TNR: variants seen among roughly 807,000 people sequenced by gnomAD.
TNR encodes tenascin R, also known as tenascin-R.
In TNR, 45 loss-of-function variants were observed where a neutral mutation model predicts 150.4. The observed-to-expected ratio is 0.30, with a 90% CI of 0.24 to 0.38. The LOEUF (loss-of-function observed/expected upper bound fraction) is 0.38. Ranked by LOEUF, TNR falls within the 10% of genes least tolerant of loss-of-function variation. The pLI is 1.00. For synonymous variants in TNR, 687 were observed against 678.4 expected, an observed-to-expected ratio of 1.01 and a Z score of -0.20; for missense variants, 1,544 against 1,759.1, an observed-to-expected ratio of 0.88 and a Z score of 2.19.
intron 2 of TNR, among the ~76,000 whole-genome samples, chr1:175,484,641 G>A (rs569868293): frequency 1.3e-4 from 20 of 151,994 alleles, no homozygotes; most frequent in Non-Finnish European, 2.6e-4. Context: ...TTTCATGTTT[G>A]GCTTTTTGCT....
At chr1:175,356,178 G>A in intron 16 of TNR, 141 bp downstream of exon 16, 1 of 1,170,748 alleles carries the variant, frequency 8.5e-7, no homozygotes, top group Non-Finnish European at 1.2e-6. Flanking sequence ...ACTGAATTTG[G>A]GCTGTAGTCA....
At chr1:175,704,438 C>G (rs912708529) in intron 1 of TNR, among the ~76,000 whole-genome samples, 6 of 152,094 alleles carry the variant, frequency 3.9e-5, no homozygotes, top group African/African-American at 1.2e-4. Flanking sequence ...GGGCATCTGC[C>G]TAGAGAAGGA....
At chr1:175,681,154 C>T (rs1293298180) in intron 1 of TNR, among the ~76,000 whole-genome samples, 1 of 152,122 alleles carries the variant, frequency 6.6e-6, no homozygotes, top group Non-Finnish European at 1.5e-5. Context: ...GGTGAGCCAC[C>T]TTTTATTTAC....
intron 1 of TNR, among the ~76,000 whole-genome samples, chr1:175,554,339 CAAAAAAA>C (rs5778860): frequency 1.5e-4 from 17 of 115,116 alleles, no homozygotes; most frequent in African/African-American, 3.9e-4. Flanking sequence ...TCCTACATGG[CAAAAAAA>C]AAAAAAAAAA....
intron 1 of TNR, among the ~76,000 whole-genome samples, chr1:175,596,375 C>T (rs987356199): frequency 1.3e-5 from 2 of 152,190 alleles, no homozygotes; most frequent in Non-Finnish European, 2.9e-5. Context: ...TGACCATGCT[C>T]AGCTGTCATG....
intron 1 of TNR, among the ~76,000 whole-genome samples, chr1:175,611,077 C>T (rs1255907108): frequency 6.6e-6 from 1 of 152,118 alleles, no homozygotes; most frequent in Non-Finnish European, 1.5e-5. Context: ...AAATTCTTTC[C>T]TCCCCCTTGC....
intron 2 of TNR, among the ~76,000 whole-genome samples, chr1:175,440,553 G>A (rs1270064754): frequency 3.3e-5 from 5 of 150,742 alleles, no homozygotes; most frequent in African/African-American, 1.2e-4. Context: ...TAAAATAAAG[G>A]AAAAAAAAGT....
chr1:175,364,679 T>G (rs2102013082), intron 12 of TNR, among the ~76,000 whole-genome samples: 1 of 152,334 alleles, frequency 6.6e-6, no homozygotes, highest in East Asian at 1.9e-4. Flanking sequence ...AACAGGTGTC[T>G]CTTCACTGTA....
At chr1:175,404,725 C>T (rs1653870623) in intron 3 of TNR, among the ~76,000 whole-genome samples, 1 of 152,196 alleles carries the variant, frequency 6.6e-6, no homozygotes, top group Non-Finnish European at 1.5e-5. Context: ...AAAAAGTTCA[C>T]TTATAGAAGC....
chr1:175,585,929 A>G (rs983361024), intron 1 of TNR, among the ~76,000 whole-genome samples: 1 of 152,232 alleles, frequency 6.6e-6, no homozygotes, highest in Non-Finnish European at 1.5e-5. Flanking sequence ...TCAGGGCTCC[A>G]GCAGCTAGGA....
intron 8 of TNR, among the ~76,000 whole-genome samples, chr1:175,380,680 CAA>C (rs947603950): frequency 4.6e-5 from 7 of 152,174 alleles, no homozygotes; most frequent in African/African-American, 1.7e-4. Flanking sequence ...GCAGTTGCCA[CAA>C]AGAGACGACG....
chr1:175,741,130 A>C (rs1667915364), intron 1 of TNR, among the ~76,000 whole-genome samples: 1 of 152,160 alleles, frequency 6.6e-6, no homozygotes, highest in Admixed American at 6.5e-5. Context: ...AGTTCCCTAA[A>C]AGGCTTTGGC....
intron 1 of TNR, among the ~76,000 whole-genome samples, chr1:175,655,857 A>T (rs1665155446): frequency 6.6e-6 from 1 of 152,188 alleles, no homozygotes; most frequent in Admixed American, 6.5e-5. Context: ...TGTCACTATA[A>T]GGACAATGAG....
At chr1:175,743,194 GAA>G in intron 1 of TNR, 30 bp downstream of exon 1, 1 of 152,344 alleles carries the variant, frequency 6.6e-6, no homozygotes, top group South Asian at 2.1e-4. Flanking sequence ...ACGTTAGCCA[GAA>G]AATCAAAGGA....
chr1:175,637,992 A>G (rs1664537642), intron 1 of TNR, among the ~76,000 whole-genome samples: 1 of 151,960 alleles, frequency 6.6e-6, no homozygotes, highest in African/African-American at 2.4e-5. Flanking sequence ...TTTAGAAAAG[A>G]CTCATGGATT....
At chr1:175,332,899 A>T (rs867963817) in intron 20 of TNR, among the ~76,000 whole-genome samples, 1 of 152,220 alleles carries the variant, frequency 6.6e-6, no homozygotes, top group African/African-American at 2.4e-5. Context: ...TGAGATATAT[A>T]AGGCACTAAA....
At chr1:175,648,584 A>C (rs1571711538) in intron 1 of TNR, among the ~76,000 whole-genome samples, 1 of 149,798 alleles carries the variant, frequency 6.7e-6, no homozygotes. Flanking sequence ...CACACAATTC[A>C]CTCCTTCTCA....
At chr1:175,541,954 C>A (rs547980607) in intron 1 of TNR, among the ~76,000 whole-genome samples, 23 of 152,074 alleles carry the variant, frequency 1.5e-4, no homozygotes, top group Non-Finnish European at 3.4e-4. Flanking sequence ...CTTAAACTTT[C>A]CAGACAAAGC....
chr1:175,507,171 G>A (rs999699591), intron 2 of TNR, among the ~76,000 whole-genome samples: 5 of 152,312 alleles, frequency 3.3e-5, no homozygotes, highest in East Asian at 1.9e-4. Context: ...GCAGTGGTGC[G>A]TGTGCCCCGC....
Sources: gnomAD v4.1 joint callset for allele counts (sites outside exome capture counted in the v4.1 genomes callset) on GRCh38, gnomAD v4.1.1 for gene constraint, MANE v1.5 for transcripts, NCBI Gene and HGNC (gene_info 2026-07-23, HGNC 2026-07-21) for gene names.